Variants in CMSS1 observed in about 807,000 individuals in gnomAD.
The protein encoded by CMSS1 is cms1 ribosomal small subunit homolog.
CMSS1 carries 33 observed loss-of-function variants against 43.5 expected under a neutral mutation model. That is an observed-to-expected ratio of 0.76 (90% confidence interval 0.57 to 1.01). The LOEUF (loss-of-function observed/expected upper bound fraction) is 1.01, where lower values mean the gene tolerates loss of function less well. Among genes scored for constraint, CMSS1 ranks in the 50% least tolerant of loss-of-function variants. The pLI, the probability that CMSS1 is intolerant of heterozygous loss-of-function variation, is 0.00. For missense variants in CMSS1, 313 were observed against 326.4 expected, an observed-to-expected ratio of 0.96 and a Z score of 0.32; for synonymous variants, 115 against 117.2, an observed-to-expected ratio of 0.98 and a Z score of 0.12.
At chr3:99,974,884 G>A (rs886468121) in intron 1 of CMSS1, among the ~76,000 whole-genome samples, 1 of 152,186 alleles carries the variant, frequency 6.6e-6, no homozygotes, top group Non-Finnish European at 1.5e-5. Context: ...GGGCTCTTGT[G>A]TTTGCCATAC....
chr3:99,943,581 G>A (rs1256026644), intron 1 of CMSS1, among the ~76,000 whole-genome samples: 1 of 152,104 alleles, frequency 6.6e-6, no homozygotes. Flanking sequence ...GCATGCGCCT[G>A]TAGTCCCAGC....
At chr3:100,097,591 T>G (rs548897768) in intron 1 of CMSS1, among the ~76,000 whole-genome samples, 5 of 152,314 alleles carry the variant, frequency 3.3e-5, no homozygotes, top group Admixed American at 2.0e-4. Context: ...TATACATGTT[T>G]TGTTGGATTT....
intron 1 of CMSS1, among the ~76,000 whole-genome samples, chr3:100,123,454 A>G (rs922270459): frequency 6.6e-6 from 1 of 152,202 alleles, no homozygotes; most frequent in Non-Finnish European, 1.5e-5. Flanking sequence ...TGTTATTTTA[A>G]GTATAAAAGC....
At chr3:100,117,860 T>TACACAC (rs1235716811) in intron 1 of CMSS1, among the ~76,000 whole-genome samples, 1 of 124,022 alleles carries the variant, frequency 8.1e-6, no homozygotes, top group African/African-American at 3.5e-5. Flanking sequence ...TATACATATA[T>TACACAC]ATATATATAT....
chr3:100,140,708 G>A (rs1389557191), intron 1 of CMSS1, among the ~76,000 whole-genome samples: 1 of 151,996 alleles, frequency 6.6e-6, no homozygotes, highest in African/African-American at 2.4e-5. Context: ...GTTCGCTAGG[G>A]CAGATGTAGG....
intron 1 of CMSS1, among the ~76,000 whole-genome samples, chr3:99,934,011 G>A (rs186214315): frequency 2.7e-4 from 41 of 152,264 alleles, no homozygotes; most frequent in East Asian, 1.2e-3. Context: ...GGGCTCTCAC[G>A]TATTTGGCTG....
chr3:99,837,469 G>A (rs1179737439), intron 1 of CMSS1, among the ~76,000 whole-genome samples: 2 of 151,684 alleles, frequency 1.3e-5, no homozygotes, highest in African/African-American at 2.4e-5. Context: ...ACCACTAATT[G>A]TAAAGGATAA....
At chr3:100,141,612 A>G (rs1207984188) in intron 1 of CMSS1, 2 of 453,192 alleles carry the variant, frequency 4.4e-6, no homozygotes, top group Non-Finnish European at 4.4e-6. Flanking sequence ...AACTTCAGAT[A>G]CTTATCAAAA....
chr3:100,007,952 CT>C (rs1710036379), intron 1 of CMSS1, among the ~76,000 whole-genome samples: 1 of 152,094 alleles, frequency 6.6e-6, no homozygotes. Context: ...TCCTAATTTT[CT>C]TGCAAATTTG....
At chr3:99,835,220 C>G (rs1289563724) in intron 1 of CMSS1, among the ~76,000 whole-genome samples, 1 of 152,184 alleles carries the variant, frequency 6.6e-6, no homozygotes, top group South Asian at 2.1e-4. Context: ...TACTTCTAAT[C>G]ACCTTTGACC....
At chr3:99,922,577 T>A (rs535361362) in intron 1 of CMSS1, among the ~76,000 whole-genome samples, 3 of 152,350 alleles carry the variant, frequency 2.0e-5, no homozygotes, top group South Asian at 4.1e-4. Flanking sequence ...TTAGCCTAGA[T>A]ATTGAGGTAA....
chr3:99,862,078 G>A (rs1481114558), intron 1 of CMSS1, among the ~76,000 whole-genome samples: 1 of 152,142 alleles, frequency 6.6e-6, no homozygotes, highest in Non-Finnish European at 1.5e-5. Context: ...GTAGGTTTTA[G>A]ATGTTCTCAC....
chr3:99,973,232 A>AT lies in CMSS1; in HGVS notation c.64+155197dup, dbSNP rs550716881. ...AACATCATAAACAAAATGAATAAAA[A>AT]TTTTTTTTCTCTTCTTGTGATCTCA... On this transcript the variant is annotated intron_variant, in intron 1 of 9. Transcript: ENST00000421999. Among the ~76,000 whole-genome samples the AT allele has an allele frequency of 2.3e-3, 345 of 152,180 alleles. 1 individual carries two copies. Among genetic ancestry groups the AT allele is most frequent in the African/African-American group, 7.4e-3 (308 of 41,528 alleles).
chr3:100,100,478 T>A (rs1227483689), intron 1 of CMSS1, among the ~76,000 whole-genome samples: 1 of 152,102 alleles, frequency 6.6e-6, no homozygotes, highest in East Asian at 1.9e-4. Context: ...GCATTTAAGA[T>A]TACACAGCAA....
chr3:100,042,333 A>G (rs2065218929), intron 1 of CMSS1, among the ~76,000 whole-genome samples: 1 of 152,310 alleles, frequency 6.6e-6, no homozygotes, highest in African/African-American at 2.4e-5. Flanking sequence ...AAGACCAGCC[A>G]GTAACAAAAA....
chr3:100,102,039 G>C (rs1326723943), intron 1 of CMSS1, among the ~76,000 whole-genome samples: 1 of 152,116 alleles, frequency 6.6e-6, no homozygotes, highest in Non-Finnish European at 1.5e-5. Context: ...ATTTGGCTTG[G>C]TTCCAAGTCT....
intron 1 of CMSS1, among the ~76,000 whole-genome samples, chr3:99,930,483 GCTACTGATGCATGCATGTGCAC>G (rs1328683972): frequency 2.6e-5 from 4 of 152,170 alleles, no homozygotes; most frequent in African/African-American, 4.8e-5. Flanking sequence ...TGGCATTATT[GCTACTGATGCATGCATGTGCAC>G]TGAAGCTCCT....
chr3:99,897,910 T>C (rs1425204708), intron 1 of CMSS1, among the ~76,000 whole-genome samples: 3 of 152,234 alleles, frequency 2.0e-5, no homozygotes, highest in African/African-American at 4.8e-5. Flanking sequence ...CATAGTTAAA[T>C]GAAGTTTTCC....
chr3:100,136,494 C>T (rs1484196578), intron 1 of CMSS1, among the ~76,000 whole-genome samples: 1 of 152,240 alleles, frequency 6.6e-6, no homozygotes, highest in Admixed American at 6.5e-5. Context: ...CATGTCAAGC[C>T]TGTCTTGCTC....
Sources: allele counts gnomAD v4.1 joint callset (sites outside exome capture counted in the v4.1 genomes callset), GRCh38; gene constraint gnomAD v4.1.1; transcripts MANE v1.5; gene names NCBI Gene and HGNC (gene_info 2026-07-23, HGNC 2026-07-21).